The following CNTNAP2 variants were observed in gnomAD, a reference collection of about 807,000 sequenced individuals.
CNTNAP2 encodes contactin-associated protein-like 2.
A neutral mutation model predicts 155.2 loss-of-function variants in CNTNAP2; 98 were observed. The observed-to-expected ratio is 0.63, with a 90% CI of 0.54 to 0.75. The LOEUF (loss-of-function observed/expected upper bound fraction) is 0.75. CNTNAP2 is among the 30% of genes least tolerant of loss of function. The pLI is 0.00. For missense variants in CNTNAP2, 1,727 were observed against 1,688.1 expected (o/e 1.02, Z -0.40); for synonymous variants, 651 against 631.2 (o/e 1.03, Z -0.47).
In CNTNAP2 at chr7:147,757,348, A is replaced by G. The variant is rs188693681; in HGVS notation, c.2098+118042A>G. 2.5e-4 allele frequency among the ~76,000 whole-genome samples: 38 copies of G among 152,298 alleles called. 1 individual carries two copies. Among genetic ancestry groups the G allele is most frequent in the Non-Finnish European group, 5.0e-4 (34 of 68,034 alleles). On this transcript the variant is annotated intron_variant, in intron 13 of 23. Coordinates refer to ENST00000361727, the MANE Select transcript of CNTNAP2 (RefSeq NM_014141.6). ...TTTTTCTGAATAAGCTGTTTCCTTAAAGTATTCAAAGAAACAAAATTCCAG... is the reference window on the plus strand; with the variant it reads ...TTTTTCTGAATAAGCTGTTTCCTTAGAGTATTCAAAGAAACAAAATTCCAG...
chr7:148,281,437 A>G lies in CNTNAP2; in HGVS notation c.3475+14311A>G, dbSNP rs1329328573. ...TGCCTTTGCGTTTTACTATAAGGAC[A>G]GAAGCAGCAGGAAAGCACTGATGAG... On this transcript the variant is annotated intron_variant, in intron 21 of 23. Coordinates refer to ENST00000361727, the MANE Select transcript of CNTNAP2 (RefSeq NM_014141.6). Among the ~76,000 whole-genome samples the G allele has an allele frequency of 2.6e-5, 4 of 152,370 alleles. No individual in the cohort carries two copies. In the East Asian group the frequency reaches 7.7e-4, roughly 29 times the overall value.
chr7:146,142,708 C>A (rs1380946030), intron 1 of CNTNAP2, among the ~76,000 whole-genome samples: 3 of 152,156 alleles, frequency 2.0e-5, no homozygotes, highest in Admixed American at 6.5e-5. Flanking sequence ...ATTGGGTTCT[C>A]TTCTAATTCT....
intron 1 of CNTNAP2, among the ~76,000 whole-genome samples, chr7:146,414,960 T>G (rs1331520550): frequency 1.3e-5 from 2 of 152,202 alleles, no homozygotes; most frequent in Non-Finnish European, 2.9e-5. Flanking sequence ...GAGTGTTATT[T>G]GCAAATATTT....
At chr7:146,191,807 C>T (rs1210184963) in intron 1 of CNTNAP2, among the ~76,000 whole-genome samples, 1 of 152,154 alleles carries the variant, frequency 6.6e-6, no homozygotes, top group African/African-American at 2.4e-5. Context: ...TCCCTTGTTC[C>T]CTGAACATTG....
At chr7:148,005,735 C>T (rs116441726) in intron 15 of CNTNAP2, among the ~76,000 whole-genome samples, 1,793 of 152,132 alleles carry the variant, frequency 0.012, 34 homozygotes, top group African/African-American at 0.041. Context: ...ATAAATTGGC[C>T]CAAAACAGCC....
intron 13 of CNTNAP2, among the ~76,000 whole-genome samples, chr7:147,864,597 A>G (rs998786368): frequency 1.3e-4 from 20 of 151,944 alleles, no homozygotes; most frequent in Non-Finnish European, 8.8e-5. Flanking sequence ...GTCCTCTTTT[A>G]TTTCATTGAG....
In CNTNAP2 at chr7:147,289,944, A is replaced by G. The variant is rs529459831; in HGVS notation, c.1349-10197A>G. On this transcript the variant is annotated intron_variant, in intron 8 of 23. Coordinates refer to ENST00000361727, the MANE Select transcript of CNTNAP2 (RefSeq NM_014141.6). ...TTTTAAAATGAATAGCACCACTATT[A>G]CTCCATTTGAAAACATTTACATATT... Among the ~76,000 whole-genome samples, 5 of 152,332 alleles carry G rather than the reference A, an allele frequency of 3.3e-5. No individual in the cohort carries two copies. The South Asian group carries it at 8.3e-4, about 25-fold the overall frequency.
intron 1 of CNTNAP2, among the ~76,000 whole-genome samples, chr7:146,378,415 T>C (rs1009625655): frequency 6.6e-6 from 1 of 152,262 alleles, no homozygotes; most frequent in East Asian, 1.9e-4. Flanking sequence ...ATGATGATGA[T>C]GACAATGACG....
intron 1 of CNTNAP2, among the ~76,000 whole-genome samples, chr7:146,663,933 G>T (rs1417804801): frequency 6.6e-6 from 1 of 151,984 alleles, no homozygotes; most frequent in African/African-American, 2.4e-5. Context: ...AAGCCTCCCT[G>T]CTTTCTTCCC....
At chr7:146,677,555 C>G (rs1400804127) in intron 1 of CNTNAP2, among the ~76,000 whole-genome samples, 1 of 152,132 alleles carries the variant, frequency 6.6e-6, no homozygotes, top group African/African-American at 2.4e-5. Flanking sequence ...TTTTGGTTTA[C>G]ATATCCAATA....
chr7:146,761,162 A>G (rs542050656), intron 1 of CNTNAP2, among the ~76,000 whole-genome samples: 3 of 152,322 alleles, frequency 2.0e-5, no homozygotes, highest in African/African-American at 7.2e-5. Flanking sequence ...TATGCCAAGA[A>G]TACAGAAGCA....
intron 12 of CNTNAP2, among the ~76,000 whole-genome samples, chr7:147,588,331 T>C (rs1178390678): frequency 6.6e-6 from 1 of 152,058 alleles, no homozygotes; most frequent in Non-Finnish European, 1.5e-5. Flanking sequence ...GAAAAGATGA[T>C]CAGCTAGAAC....
chr7:147,453,150 G>C (rs1005421055), intron 10 of CNTNAP2, among the ~76,000 whole-genome samples: 7 of 152,188 alleles, frequency 4.6e-5, no homozygotes, highest in Non-Finnish European at 8.8e-5. Context: ...TCCTCAGCCA[G>C]ATGAAAGATT....
chr7:147,818,400 G>A (rs192257537), intron 13 of CNTNAP2, among the ~76,000 whole-genome samples: 3 of 152,262 alleles, frequency 2.0e-5, no homozygotes, highest in Admixed American at 2.0e-4. Flanking sequence ...GTACTAACAA[G>A]GGAGCAGGAG....
chr7:147,065,543 C>A (rs892695489), intron 4 of CNTNAP2, among the ~76,000 whole-genome samples: 1 of 152,156 alleles, frequency 6.6e-6, no homozygotes, highest in Non-Finnish European at 1.5e-5. Context: ...TGCCAACTAG[C>A]TGGTTAGTGG....
chr7:147,242,392 T>G (rs1258935766), intron 8 of CNTNAP2, among the ~76,000 whole-genome samples: 1 of 152,192 alleles, frequency 6.6e-6, no homozygotes. Context: ...CTGTAATAAA[T>G]AGTAGTACCC....
At chr7:147,692,117 G>T (rs1796095558) in intron 13 of CNTNAP2, among the ~76,000 whole-genome samples, 1 of 151,992 alleles carries the variant, frequency 6.6e-6, no homozygotes, top group South Asian at 2.1e-4. Context: ...ATACAGTATT[G>T]CCTTTTCAAA....
chr7:146,925,826 A>C (rs1371555743), intron 3 of CNTNAP2, among the ~76,000 whole-genome samples: 1 of 152,128 alleles, frequency 6.6e-6, no homozygotes, highest in Non-Finnish European at 1.5e-5. Flanking sequence ...TTTGGTCAAA[A>C]TCAGGGCACA....
intron 1 of CNTNAP2, among the ~76,000 whole-genome samples, chr7:146,350,258 A>G (rs62503482): frequency 0.14 from 20,567 of 152,198 alleles, 1,777 homozygotes; most frequent in South Asian, 0.19. Context: ...CAGTTGATCG[A>G]AAATTTTTGC....
Sources: gnomAD v4.1 joint callset for allele counts (sites outside exome capture counted in the v4.1 genomes callset) on GRCh38, gnomAD v4.1.1 for gene constraint, MANE v1.5 for transcripts, NCBI Gene and HGNC (gene_info 2026-07-23, HGNC 2026-07-21) for gene names.